The following TLL1 variants were observed in gnomAD, a reference collection of about 807,000 sequenced individuals.
The protein encoded by TLL1 is tolloid like 1, also known as tolloid-like protein 1.
TLL1 carries 49 observed loss-of-function variants against 128.2 expected under a neutral mutation model. The observed-to-expected ratio is 0.38, with a 90% confidence interval of 0.30 to 0.48. TLL1 has a LOEUF of 0.48. Ranked by LOEUF, TLL1 falls within the 20% of genes least tolerant of loss-of-function variation. The pLI is 0.96. For synonymous variants in TLL1, 454 were observed against 418.8 expected, an observed-to-expected ratio of 1.08 and a Z score of -1.03; for missense variants, 1,123 against 1,242.0, an observed-to-expected ratio of 0.90 and a Z score of 1.44.
intron 11 of TLL1, among the ~76,000 whole-genome samples, chr4:166,042,965 GAA>G (rs1367620410): frequency 1.3e-5 from 2 of 152,118 alleles, no homozygotes; most frequent in South Asian, 2.1e-4. Context: ...GAGAATCACA[GAA>G]CAAACTCACA....
At chr4:166,027,770 G>T (rs1452316072) in intron 9 of TLL1, among the ~76,000 whole-genome samples, 1 of 152,040 alleles carries the variant, frequency 6.6e-6, no homozygotes, top group Non-Finnish European at 1.5e-5. Context: ...AAAAGTTTGG[G>T]AACAAGGTTA....
At chr4:165,943,811 T>G (rs557528511) in intron 1 of TLL1, among the ~76,000 whole-genome samples, 2 of 152,226 alleles carry the variant, frequency 1.3e-5, no homozygotes, top group East Asian at 3.9e-4. Context: ...AATTGATCAT[T>G]TATAGTTAGG....
At position 165,873,853 on chromosome 4, in the gene TLL1, C is replaced by T. The variant is rs1730600260; in HGVS notation, c.-52C>T. 1.2e-6 allele frequency: 2 copies of T among 1,605,808 alleles called. No homozygotes were observed. The highest frequency in any genetic ancestry group is 3.3e-5 in the Admixed American group (2 of 59,940). ...TAGCCCCGCACATCAGCGCGGACCGCGGCTGCCTAACCTCTGGGTCCCGTC... is the reference window on the plus strand; with the variant it reads ...TAGCCCCGCACATCAGCGCGGACCGTGGCTGCCTAACCTCTGGGTCCCGTC... On this transcript the variant is annotated 5_prime_UTR_variant, in exon 1 of 21. Coordinates refer to ENST00000061240, the MANE Select transcript of TLL1 (RefSeq NM_012464.5).
chr4:165,941,489 TAGAG>T (rs956344467), intron 1 of TLL1, among the ~76,000 whole-genome samples: 4 of 152,012 alleles, frequency 2.6e-5, no homozygotes, highest in African/African-American at 9.7e-5. Context: ...TGCAGAAGGT[TAGAG>T]AGAGAGGACA....
intron 7 of TLL1, among the ~76,000 whole-genome samples, chr4:166,013,848 A>C (rs1184274025): frequency 6.6e-6 from 1 of 151,756 alleles, no homozygotes; most frequent in East Asian, 1.9e-4. Context: ...TTTACCATAG[A>C]AAAATTGAAA....
At chr4:165,915,355 G>A (rs979609211) in intron 1 of TLL1, among the ~76,000 whole-genome samples, 7 of 152,178 alleles carry the variant, frequency 4.6e-5, no homozygotes, top group African/African-American at 1.7e-4. Context: ...ACTGAGAACA[G>A]GATTAAGTCT....
chr4:165,959,352 T>G (rs901238340), intron 1 of TLL1, among the ~76,000 whole-genome samples: 13 of 152,176 alleles, frequency 8.5e-5, no homozygotes, highest in Admixed American at 4.6e-4. Context: ...GAGCATGGAA[T>G]GTTCTTCCAT....
chr4:165,925,293 T>C (rs558932806), intron 1 of TLL1, among the ~76,000 whole-genome samples: 2 of 152,342 alleles, frequency 1.3e-5, no homozygotes, highest in South Asian at 2.1e-4. Context: ...GATGCCATTA[T>C]GAACAATGAG....
intron 15 of TLL1, 107 bp downstream of exon 15, chr4:166,060,295 T>A: frequency 8.0e-7 from 1 of 1,243,696 alleles, no homozygotes. Context: ...ATAGACATTG[T>A]ATTCTTTCTT....
chr4:166,089,159 C>T (rs1445425949), intron 18 of TLL1, among the ~76,000 whole-genome samples: 2 of 152,068 alleles, frequency 1.3e-5, no homozygotes, highest in African/African-American at 4.8e-5. Context: ...ATATTCTTTT[C>T]CTGAACCAAT....
chr4:166,003,609 G>A (rs948643593), intron 6 of TLL1, 40 bp downstream of exon 6: 5 of 1,596,890 alleles, frequency 3.1e-6, no homozygotes, highest in East Asian at 4.5e-5. Flanking sequence ...GGCTGACTGG[G>A]TATCTTTGAA....
At chr4:165,949,309 T>G (rs1258137415) in intron 1 of TLL1, among the ~76,000 whole-genome samples, 1 of 152,106 alleles carries the variant, frequency 6.6e-6, no homozygotes, top group African/African-American at 2.4e-5. Flanking sequence ...TGAGTGAGAT[T>G]AGAAGCCGAT....
chr4:165,956,240 A>T (rs1734785319), intron 1 of TLL1, among the ~76,000 whole-genome samples: 1 of 152,106 alleles, frequency 6.6e-6, no homozygotes, highest in South Asian at 2.1e-4. Flanking sequence ...TAAACATCTT[A>T]AACAATAGAA....
In TLL1 at chr4:166,091,199, A is replaced by G; in HGVS notation, c.2514A>G (p.Glu838=). 1.2e-6 allele frequency: 2 copies of G among 1,613,286 alleles called. No homozygotes were observed. Among genetic ancestry groups the G allele is most frequent in the Non-Finnish European group, 1.7e-6 (2 of 1,179,514 alleles). ...AYDHLEVFDG[E]TEKSPILGRL... is the part of the protein sequence containing the mutation. Reference sequence around the variant, plus strand: ...ACCACTTAGAAGTATTTGATGGAGAAACAGAAAAGTCACCGATTCTTGGAC... The same window carrying G: ...ACCACTTAGAAGTATTTGATGGAGAGACAGAAAAGTCACCGATTCTTGGAC... The change falls in exon 19 of 21, where the codon GAA becomes GAG. Residue 838 remains glutamate, a synonymous_variant. Coordinates refer to ENST00000061240, the MANE Select transcript of TLL1 (RefSeq NM_012464.5).
intron 5 of TLL1, among the ~76,000 whole-genome samples, chr4:166,001,306 A>G (rs1220930996): frequency 6.6e-6 from 1 of 152,260 alleles, no homozygotes; most frequent in Admixed American, 6.5e-5. Flanking sequence ...TTAAAGTTTT[A>G]GATATATTTA....
chr4:166,087,359 A>G (rs1741571550), intron 18 of TLL1, among the ~76,000 whole-genome samples: 1 of 152,170 alleles, frequency 6.6e-6, no homozygotes, highest in Non-Finnish European at 1.5e-5. Flanking sequence ...ATATTTGATC[A>G]CAGTTATAGA....
chr4:166,089,012 G>A (rs28409352), intron 18 of TLL1, among the ~76,000 whole-genome samples: 1,884 of 152,208 alleles, frequency 0.012, 35 homozygotes, highest in African/African-American at 0.043. Context: ...ACTTTAGAAT[G>A]CCACTACCTC....
chr4:166,059,474 A>G (rs957418470), intron 14 of TLL1, among the ~76,000 whole-genome samples: 2 of 152,136 alleles, frequency 1.3e-5, no homozygotes, highest in Non-Finnish European at 2.9e-5. Flanking sequence ...AATAACAAAT[A>G]TGCTCTATTT....
At chr4:166,081,470 T>C (rs1741278810) in intron 18 of TLL1, among the ~76,000 whole-genome samples, 2 of 152,192 alleles carry the variant, frequency 1.3e-5, no homozygotes, top group South Asian at 4.1e-4. Context: ...GAGCAGGAGA[T>C]GGAGGTCCAT....
Sources: allele counts gnomAD v4.1 joint callset (sites outside exome capture counted in the v4.1 genomes callset), GRCh38; gene constraint gnomAD v4.1.1; transcripts MANE v1.5; gene names NCBI Gene and HGNC (gene_info 2026-07-23, HGNC 2026-07-21).